Variants in TTC14 observed in about 807,000 individuals in gnomAD.
The protein encoded by TTC14 is tetratricopeptide repeat domain 14.
In TTC14, 63 loss-of-function variants were observed where a neutral mutation model predicts 79.9. That is an observed-to-expected ratio of 0.79 (90% CI 0.64 to 0.97). The LOEUF (loss-of-function observed/expected upper bound fraction) is 0.97, where lower values mean the gene tolerates loss of function less well. Ranked by LOEUF, TTC14 falls within the 50% of genes least tolerant of loss-of-function variation. The pLI, the probability that TTC14 is intolerant of heterozygous loss-of-function variation, is 0.00. For synonymous variants in TTC14, 335 were observed against 309.6 expected, an observed-to-expected ratio of 1.08 and a Z score of -0.86; for missense variants, 895 against 894.0, an observed-to-expected ratio of 1.00 and a Z score of -0.01.
At chr3:180,604,062 T>G in intron 3 of TTC14, 163 bp from the exon 4 acceptor site, 1 of 655,996 alleles carries the variant, frequency 1.5e-6, no homozygotes, top group Non-Finnish European at 2.6e-6. Flanking sequence ...CATATTTTAC[T>G]GTGTTTGGAC....
chr3:180,608,259 A>G (rs946273129), intron 10 of TTC14: 1 of 987,504 alleles, frequency 1.0e-6, no homozygotes, highest in Non-Finnish European at 1.2e-6. Flanking sequence ...GGGCTGTGCT[A>G]TTTTTTTAAA....
In TTC14 at chr3:180,609,972, A is replaced by T. The variant is rs200687783; in HGVS notation, c.1743A>T (p.Ser581=). 18 of 1,613,996 alleles carry T rather than the reference A, an allele frequency of 1.1e-5. No individual in the cohort carries two copies. The East Asian group carries it at 4.0e-4, about 36-fold the overall frequency. The change falls in exon 12 of 12, where the codon TCA becomes TCT. Residue 581 remains serine, a synonymous_variant. Coordinates refer to ENST00000296015, the MANE Select transcript of TTC14 (RefSeq NM_133462.4). ...AGAAAGATAGATGCCCTCTCTCTTC[A>T]TCTTCACTTGAAATACCGGATGATT... ...IKEKDRCPLS[S]SSLEIPDDFG...
At chr3:180,606,804 C>G (rs770223446) in intron 9 of TTC14, among the ~76,000 whole-genome samples, 3 of 152,142 alleles carry the variant, frequency 2.0e-5, no homozygotes, top group Non-Finnish European at 2.9e-5. Flanking sequence ...AATGACTATA[C>G]TATTTGTGTA....
rs1422055991 is a variant in TTC14, at chr3:180,610,284, C to T, written c.2055C>T (p.Tyr685=). The T allele has an allele frequency of 3.7e-6, 6 of 1,613,128 alleles. No homozygotes were observed. The East Asian group carries it at 6.7e-5, about 18-fold the overall frequency. The change falls in exon 12 of 12, where the codon TAC becomes TAT. Residue 685 remains tyrosine (Y), a synonymous_variant. Transcript: ENST00000296015. ...SEYSWKSVEK[Y]KKYAHSGSRD... ...ACTCTTGGAAGTCAGTTGAGAAATA[C>T]AAAAAATACGCTCACTCTGGATCAC... is the stretch of plus-strand genomic sequence containing the variant.
In TTC14 at chr3:180,604,586, A is replaced by G. The variant is rs376789807; in HGVS notation, c.680A>G (p.Glu227Gly). The G allele has an allele frequency of 6.2e-6, 10 of 1,608,366 alleles. No individual in the cohort carries two copies. The highest frequency in any genetic ancestry group is 1.3e-5 in the African/African-American group (1 of 74,570). ...ATTAAATTAGGTGTAATTAGCTCTG[A>G]AGAGCTTCCTTTATACTACAGGTAA... ...SGIKLGVISS[E>G]ELPLYYRRSV... is the part of the protein sequence containing the mutation. The change falls in exon 5 of 12, where the codon GAA becomes GGA. Residue 227 changes from glutamate (E) to glycine (G), a missense_variant. Glu to Gly is a moderately conservative substitution (Grantham distance 98). Transcript: ENST00000296015.
At chr3:180,606,641 G>T in intron 9 of TTC14, 38 bp downstream of exon 9, 3 of 1,570,332 alleles carry the variant, frequency 1.9e-6, no homozygotes, top group Non-Finnish European at 2.6e-6. Context: ...GAGGTCTAAT[G>T]TTCAACCAAC....
downstream of TTC14, among the ~76,000 whole-genome samples, chr3:180,612,497 G>C (rs1203574706): frequency 6.6e-6 from 1 of 152,218 alleles, no homozygotes. Flanking sequence ...GCTGAGTACA[G>C]TCACTCATGC....
At chr3:180,603,439 T>A in intron 3 of TTC14, 116 bp downstream of exon 3, 1 of 896,846 alleles carries the variant, frequency 1.1e-6, no homozygotes, top group Non-Finnish European at 1.8e-6. Context: ...CTTTTGGAAA[T>A]TAAATGTTAA....
chr3:180,604,631 C>G (rs199903646), intron 5 of TTC14, 24 bp downstream of exon 5: 7 of 1,586,002 alleles, frequency 4.4e-6, no homozygotes, highest in Non-Finnish European at 6.0e-6. Context: ...ATTATTTCAA[C>G]AACAGTTCAT....
chr3:180,604,554 A>C lies in TTC14; in HGVS notation c.648A>C (p.Leu216=), dbSNP rs1157733477. The C allele has an allele frequency of 6.2e-7, 1 of 1,610,804 alleles. No homozygotes were observed. Among genetic ancestry groups the C allele is most frequent in the Admixed American group, 1.7e-5 (1 of 59,810 alleles). The change falls in exon 5 of 12, where the codon CTA becomes CTC. Residue 216 remains leucine, a synonymous_variant. Transcript: ENST00000296015. ...ATAGCTCTTCTCTTCCACCACACCTATCTGGTATTAAATTAGGTGTAATTA... is the reference window on the plus strand; with the variant it reads ...ATAGCTCTTCTCTTCCACCACACCTCTCTGGTATTAAATTAGGTGTAATTA... ...SLYSSSLPPH[L]SGIKLGVISS...
At chr3:180,609,242 T>TGCC in intron 11 of TTC14, 2 of 606,942 alleles carry the variant, frequency 3.3e-6, no homozygotes, top group Non-Finnish European at 4.2e-6. Context: ...ACAGGTCAGC[T>TGCC]CCCACCCGCA....
chr3:180,602,605 G>A (rs1280665858), intron 1 of TTC14, 183 bp downstream of exon 1: 3 of 832,448 alleles, frequency 3.6e-6, no homozygotes, highest in East Asian at 2.7e-5. Flanking sequence ...TGCGGGATGC[G>A]GGCTGAACTT....
intron 3 of TTC14, 35 bp downstream of exon 3, chr3:180,603,358 T>C: frequency 1.9e-6 from 3 of 1,562,556 alleles, no homozygotes; most frequent in East Asian, 2.2e-5. Flanking sequence ...TGCTTCTGTT[T>C]TTGTTAACGC....
chr3:180,607,758 A>G lies in TTC14; in HGVS notation c.1283A>G (p.Tyr428Cys), dbSNP rs1716773981. ...GATGCTTTGCAGAAACTTCATAAATATATGCAGGTGATTCCTTATTTCCTC... is the reference window on the plus strand; with the variant it reads ...GATGCTTTGCAGAAACTTCATAAATGTATGCAGGTGATTCCTTATTTCCTC... ...AEDALQKLHK[Y>C]MQKSLELREK... Residue 428 changes from tyrosine to cysteine, a missense_variant, in exon 10 of 12, where the codon TAT (tyrosine) becomes TGT (cysteine). Tyr to Cys is a radical substitution (Grantham distance 194). Coordinates refer to ENST00000296015, the MANE Select transcript of TTC14 (RefSeq NM_133462.4). 1.9e-6 allele frequency: 3 copies of G among 1,610,040 alleles called. No individual in the cohort carries two copies. The highest frequency in any genetic ancestry group is 2.5e-6 in the Non-Finnish European group (3 of 1,178,606).
At chr3:180,612,478 G>A (rs951261624), downstream of TTC14, among the ~76,000 whole-genome samples, 1 of 152,156 alleles carries the variant, frequency 6.6e-6, no homozygotes, top group Non-Finnish European at 1.5e-5. Flanking sequence ...AAAAGTGGAA[G>A]CAAGAGGGGC....
chr3:180,616,178 G>T, intron 12 of TTC14: 1 of 889,870 alleles, frequency 1.1e-6, no homozygotes, highest in Non-Finnish European at 1.9e-6. Flanking sequence ...CTGGCAGTGA[G>T]TGCATGGGCC....
chr3:180,609,674 C>G lies in TTC14; in HGVS notation c.1445C>G (p.Ser482Cys). Reference sequence around the variant, plus strand: ...AAATCAACTTCTTCTTCAAGTGTTTCTTCTGCTGATGAATCAGTGTCTTCA... The same window carrying G: ...AAATCAACTTCTTCTTCAAGTGTTTGTTCTGCTGATGAATCAGTGTCTTCA... ...RRKSTSSSSV[S>C]SADESVSSSS... Residue 482 changes from serine to cysteine, a missense_variant, in exon 12 of 12, where the codon TCT becomes TGT. Transcript: ENST00000296015. The G allele has an allele frequency of 1.3e-6, 2 of 1,589,804 alleles. No individual in the cohort carries two copies. The highest frequency in any genetic ancestry group is 1.7e-6 in the Non-Finnish European group (2 of 1,173,198).
intron 10 of TTC14, chr3:180,608,226 C>T: frequency 1.0e-6 from 1 of 990,758 alleles, no homozygotes. Flanking sequence ...AAAATGATTT[C>T]CTATGTAATC....
In TTC14 at chr3:180,602,938, A is replaced by G. The variant is rs985661022; in HGVS notation, c.209A>G (p.Lys70Arg). 6.2e-7 allele frequency: 1 copy of G among 1,613,854 alleles called. No homozygotes were observed. The highest frequency in any genetic ancestry group is 8.5e-7 in the Non-Finnish European group (1 of 1,179,964). ...ATCGAGATACAGAAATTCATCTCCAAAAAAGCGGATCTGCTTTTTGCACTT... is the reference window on the plus strand; with the variant it reads ...ATCGAGATACAGAAATTCATCTCCAGAAAAGCGGATCTGCTTTTTGCACTT... ...DNIEIQKFISKKADLLFALSW... is the reference protein window; with the variant it reads ...DNIEIQKFISRKADLLFALSW... The change falls in exon 2 of 12, where the codon AAA becomes AGA. Residue 70 changes from lysine to arginine, a missense_variant. Physicochemically the swap from Lys to Arg is conservative, Grantham distance 26. Coordinates refer to ENST00000296015, the MANE Select transcript of TTC14 (RefSeq NM_133462.4).
Sources: gnomAD v4.1 joint callset for allele counts (sites outside exome capture counted in the v4.1 genomes callset) on GRCh38, gnomAD v4.1.1 for gene constraint, MANE v1.5 for transcripts, NCBI Gene and HGNC (gene_info 2026-07-23, HGNC 2026-07-21) for gene names.